TOX2: variants seen among roughly 807,000 people sequenced by gnomAD.
The protein encoded by TOX2 is TOX high mobility group box family member 2.
Under a neutral mutation model 47.4 loss-of-function variants are expected in TOX2, and 15 were observed. The ratio of observed to expected loss-of-function variants is 0.32; its 90% CI spans 0.21 to 0.49. The LOEUF (loss-of-function observed/expected upper bound fraction) is 0.49, where lower values mean the gene tolerates loss of function less well. TOX2 is among the 20% of genes least tolerant of loss of function. TOX2 has a pLI of 0.99. For synonymous variants in TOX2, 290 were observed against 296.6 expected (o/e 0.98, Z 0.23); for missense variants, 622 against 673.1 (o/e 0.92, Z 0.84).
chr20:43,944,403 C>A (rs6103526), intron 1 of TOX2, among the ~76,000 whole-genome samples: 1 of 152,132 alleles, frequency 6.6e-6, no homozygotes, highest in Non-Finnish European at 1.5e-5. Flanking sequence ...AGAAGGAGAT[C>A]TTTGAGCAGA....
At chr20:43,938,893 T>G (rs74789056) in intron 1 of TOX2, among the ~76,000 whole-genome samples, 6,350 of 149,956 alleles carry the variant, frequency 0.042, 417 homozygotes, top group African/African-American at 0.14. Flanking sequence ...GGCCAGGGGG[T>G]TTTTCCAGCC....
At chr20:44,023,842 G>A (rs2071016913) in intron 3 of TOX2, among the ~76,000 whole-genome samples, 3 of 152,240 alleles carry the variant, frequency 2.0e-5, no homozygotes, top group South Asian at 2.1e-4. Context: ...TCCACGTCCC[G>A]TGGGCCCTCA....
intron 2 of TOX2, among the ~76,000 whole-genome samples, chr20:43,988,495 T>A (rs2145536740): frequency 6.6e-6 from 1 of 152,362 alleles, no homozygotes; most frequent in East Asian, 1.9e-4. Flanking sequence ...TTGCCTCAGT[T>A]TCTGCAGTGA....
intron 2 of TOX2, among the ~76,000 whole-genome samples, chr20:43,985,029 C>T (rs1228955973): frequency 2.0e-5 from 3 of 151,968 alleles, no homozygotes; most frequent in African/African-American, 7.3e-5. Context: ...CACTGGTGAC[C>T]AAGAAGTGGA....
In TOX2 at chr20:44,065,712, AG is replaced by A. The variant is rs1162754522; in HGVS notation, c.962del (p.Ser321ThrfsTer36). On this transcript the variant is annotated frameshift_variant and splice_region_variant, in exon 7 of 9. Transcript: ENST00000341197. LOFTEE classifies it high-confidence loss of function. ...AAYRASLVSK[S>X]SPDQGETKST... Reference sequence around the variant, plus strand: ...GTGACTGATATCTGTCTCCTTCCAGAGCTCCCCAGATCAAGGTGAGACCAAG... The same window carrying A: ...GTGACTGATATCTGTCTCCTTCCAGACTCCCCAGATCAAGGTGAGACCAAG... 1 of 1,575,106 alleles carries A rather than the reference AG, an allele frequency of 6.3e-7. No homozygotes were observed. The highest frequency in any genetic ancestry group is 8.7e-7 in the Non-Finnish European group (1 of 1,154,134).
intron 2 of TOX2, among the ~76,000 whole-genome samples, chr20:43,984,224 T>C (rs1270827628): frequency 6.6e-6 from 1 of 152,226 alleles, no homozygotes; most frequent in Non-Finnish European, 1.5e-5. Flanking sequence ...ATGGTTGTGT[T>C]ATCAGAACAT....
At chr20:44,012,622 G>A (rs899161564) in intron 3 of TOX2, among the ~76,000 whole-genome samples, 5 of 152,116 alleles carry the variant, frequency 3.3e-5, no homozygotes, top group African/African-American at 1.2e-4. Flanking sequence ...TGGGATCTTG[G>A]ACAAGTTACT....
rs117783564 is a variant in TOX2, at chr20:43,945,093, G to A, written c.100-28274G>A. ...TCAGAAGAGTGGAAAGGAACCAGGG[G>A]AGGTTCTTATTTTTTTGTTTTAAAT... On this transcript the variant is annotated intron_variant, in intron 1 of 8. Coordinates refer to ENST00000341197, the MANE Select transcript of TOX2 (RefSeq NM_001098797.2). 7.8e-3 allele frequency among the ~76,000 whole-genome samples: 1,181 copies of A among 152,276 alleles called. 13 individuals carry two copies. The highest frequency in any genetic ancestry group is 0.012 in the Non-Finnish European group (807 of 68,032).
At chr20:43,977,201 C>T (rs2070095009) in intron 2 of TOX2, among the ~76,000 whole-genome samples, 1 of 152,166 alleles carries the variant, frequency 6.6e-6, no homozygotes, top group African/African-American at 2.4e-5. Context: ...CTCCTGGGTT[C>T]AAGTGATTCT....
chr20:43,993,363 G>C (rs903483168), intron 2 of TOX2, among the ~76,000 whole-genome samples: 1 of 152,154 alleles, frequency 6.6e-6, no homozygotes, highest in African/African-American at 2.4e-5. Context: ...GGTGATGACC[G>C]CTTGGACTAG....
At chr20:44,050,711 A>G (rs35331387) in intron 3 of TOX2, among the ~76,000 whole-genome samples, 2,811 of 152,318 alleles carry the variant, frequency 0.018, 35 homozygotes, top group Non-Finnish European at 0.029. Flanking sequence ...TATTTATTCA[A>G]TGTATTTAAC....
At chr20:44,042,851 G>A (rs1005203114) in intron 3 of TOX2, among the ~76,000 whole-genome samples, 4 of 152,204 alleles carry the variant, frequency 2.6e-5, no homozygotes, top group African/African-American at 9.7e-5. Flanking sequence ...TGCTTGGGAT[G>A]TGAGGAGTGT....
chr20:43,946,408 G>T (rs914460264), intron 1 of TOX2, among the ~76,000 whole-genome samples: 8 of 152,270 alleles, frequency 5.3e-5, no homozygotes, highest in African/African-American at 1.7e-4. Context: ...TAATGGGGAT[G>T]GCCCATGGCT....
intron 2 of TOX2, among the ~76,000 whole-genome samples, chr20:43,989,831 C>G (rs913402890): frequency 6.6e-6 from 1 of 151,600 alleles, no homozygotes; most frequent in Non-Finnish European, 1.5e-5. Flanking sequence ...CTCATAGTTA[C>G]TGCATGCCAG....
chr20:44,044,760 G>A (rs1439137020), intron 3 of TOX2, among the ~76,000 whole-genome samples: 1 of 152,122 alleles, frequency 6.6e-6, no homozygotes, highest in Non-Finnish European at 1.5e-5. Flanking sequence ...ATATGATACG[G>A]CAATTGGAAT....
chr20:43,996,360 C>T (rs1460036762), intron 2 of TOX2, among the ~76,000 whole-genome samples: 1 of 152,166 alleles, frequency 6.6e-6, no homozygotes, highest in Admixed American at 6.5e-5. Flanking sequence ...CAAACCAGGA[C>T]ACTGTTTAGA....
chr20:43,992,938 G>T (rs2145555998), intron 2 of TOX2, among the ~76,000 whole-genome samples: 1 of 151,430 alleles, frequency 6.6e-6, no homozygotes, highest in South Asian at 2.1e-4. Context: ...TAGGAATGTT[G>T]ACATGTCCAA....
chr20:43,927,458 A>AACACACACACACACAC (rs34410581), intron 1 of TOX2, among the ~76,000 whole-genome samples: 28 of 131,382 alleles, frequency 2.1e-4, no homozygotes, highest in African/African-American at 5.9e-4. Context: ...TGATCTATAT[A>AACACACACACACACAC]ACACACACAC....
At chr20:43,977,476 C>T (rs1047719242) in intron 2 of TOX2, among the ~76,000 whole-genome samples, 11 of 152,284 alleles carry the variant, frequency 7.2e-5, no homozygotes, top group African/African-American at 2.4e-4. Flanking sequence ...ATGCCATCTT[C>T]TTTACTTAGA....
Sources: gnomAD v4.1 joint callset for allele counts (sites outside exome capture counted in the v4.1 genomes callset) on GRCh38, gnomAD v4.1.1 for gene constraint, MANE v1.5 for transcripts, NCBI Gene and HGNC (gene_info 2026-07-23, HGNC 2026-07-21) for gene names.